VOPP1: variants seen among roughly 807,000 people sequenced by gnomAD.
VOPP1 encodes WW domain binding protein VOPP1.
In VOPP1, 8 loss-of-function variants were observed where a neutral mutation model predicts 23.5. That is an observed-to-expected ratio of 0.34 (90% CI 0.20 to 0.61). The LOEUF (loss-of-function observed/expected upper bound fraction) is 0.61. VOPP1 is among the 20% of genes least tolerant of loss of function. The probability of loss-of-function intolerance (pLI) is 0.78; values close to 1 mark genes in which losing one functional copy is unlikely to be tolerated. For missense variants in VOPP1, 174 were observed against 238.1 expected (o/e 0.73, Z 1.77); for synonymous variants, 83 against 97.3 (o/e 0.85, Z 0.86).
At chr7:55,526,435 G>A (rs1253275037) in intron 1 of VOPP1, among the ~76,000 whole-genome samples, 1 of 152,166 alleles carries the variant, frequency 6.6e-6, no homozygotes, top group Non-Finnish European at 1.5e-5. Context: ...ACTCCTCCAT[G>A]TGCGCTGAGT....
At chr7:55,517,451 C>T (rs986764827) in intron 2 of VOPP1, among the ~76,000 whole-genome samples, 3 of 152,100 alleles carry the variant, frequency 2.0e-5, no homozygotes, top group African/African-American at 4.8e-5. Context: ...ATCCCCGGGA[C>T]AGCACCCTGC....
At chr7:55,561,802 G>A in intron 1 of VOPP1, 1 of 600,042 alleles carries the variant, frequency 1.7e-6, no homozygotes, top group Non-Finnish European at 3.0e-6. Flanking sequence ...AGAGCACGTG[G>A]GAGTAGCTTG....
At chr7:55,447,037 C>A (rs2129000688) in intron 4 of VOPP1, among the ~76,000 whole-genome samples, 1 of 152,290 alleles carries the variant, frequency 6.6e-6, no homozygotes, top group African/African-American at 2.4e-5. Flanking sequence ...ATGCCAGCAA[C>A]CCTTATCCCA....
At chr7:55,562,659 G>A (rs1396505053) in intron 1 of VOPP1, among the ~76,000 whole-genome samples, 1 of 152,190 alleles carries the variant, frequency 6.6e-6, no homozygotes, top group Admixed American at 6.5e-5. Flanking sequence ...ATGGGTAGAA[G>A]TAAGGAGGAA....
At chr7:55,481,258 A>G (rs1792688387) in intron 4 of VOPP1, among the ~76,000 whole-genome samples, 1 of 152,220 alleles carries the variant, frequency 6.6e-6, no homozygotes, top group Non-Finnish European at 1.5e-5. Flanking sequence ...GAGAGGCCAG[A>G]GCCCGCTGGG....
rs545255535 is a variant in VOPP1 at position 55,520,973 on chromosome 7, G to A, written c.113+99C>T. On this transcript the variant is annotated intron_variant, in intron 2 of 4. Transcript: ENST00000285279. ...GGCACCGCAGCAGAGGCTGGGCCAC[G>A]CCGGGCTTTCCCCATCCCACACCCA... 3.4e-5 allele frequency: 45 copies of A among 1,314,960 alleles called. No homozygotes were observed. The East Asian group carries it at 4.1e-4, about 12-fold the overall frequency. The allele number at this position is 1,314,960 out of a possible 1,614,324, so 81.5% of individuals were successfully genotyped here. A position where few individuals can be genotyped will look rare whatever the true frequency, so the allele number is the denominator to read the frequency against.
At chr7:55,536,250 C>T (rs1312192520) in intron 1 of VOPP1, among the ~76,000 whole-genome samples, 1 of 152,180 alleles carries the variant, frequency 6.6e-6, no homozygotes, top group Non-Finnish European at 1.5e-5. Context: ...CAAGCAAGGC[C>T]GGGCGTGGTG....
At chr7:55,496,958 C>T (rs991306479) in intron 3 of VOPP1, among the ~76,000 whole-genome samples, 1 of 152,226 alleles carries the variant, frequency 6.6e-6, no homozygotes, top group African/African-American at 2.4e-5. Flanking sequence ...ACGTGCTCTG[C>T]CACCCTCTCA....
At position 55,521,925 on chromosome 7, in the gene VOPP1, C is replaced by T. The variant is rs1320628470; in HGVS notation, c.55-795G>A. The T allele has an allele frequency of 5.1e-6, 5 of 984,584 alleles. 1 individual carries two copies. Among genetic ancestry groups the T allele is most frequent in the East Asian group, 2.3e-4 (2 of 8,830 alleles). The allele number at this position is 984,584 out of a possible 1,614,324, so 61.0% of individuals were successfully genotyped here. On this transcript the variant is annotated intron_variant, in intron 1 of 4. Transcript: ENST00000285279. The stretch of plus-strand genomic sequence containing the variant: ...CTTTTCTAAAATTATTCCATTCGTG[C>T]TGTCATTTTTGTTTTACATTCACAA...
intron 4 of VOPP1, among the ~76,000 whole-genome samples, chr7:55,448,070 A>G (rs996022387): frequency 2.6e-5 from 4 of 152,304 alleles, no homozygotes; most frequent in African/African-American, 9.6e-5. Flanking sequence ...GTGTTGGCAA[A>G]GGCTGGCAGA....
At chr7:55,494,561 A>G (rs771543426) in intron 3 of VOPP1, among the ~76,000 whole-genome samples, 20 of 152,116 alleles carry the variant, frequency 1.3e-4, no homozygotes, top group Non-Finnish European at 1.9e-4. Flanking sequence ...GCTGGAATGG[A>G]GTTACACGGG....
chr7:55,561,636 G>T (rs931525041), intron 1 of VOPP1, among the ~76,000 whole-genome samples: 11 of 143,008 alleles, frequency 7.7e-5, no homozygotes, highest in Non-Finnish European at 1.3e-4. Flanking sequence ...GGCGGAGGTT[G>T]CAGTGAGCCA....
intron 4 of VOPP1, among the ~76,000 whole-genome samples, chr7:55,450,005 A>G (rs1264764012): frequency 6.6e-6 from 1 of 152,234 alleles, no homozygotes; most frequent in Non-Finnish European, 1.5e-5. Flanking sequence ...ATGAGAAGCC[A>G]GGATTTCTGC....
intron 1 of VOPP1, among the ~76,000 whole-genome samples, chr7:55,559,888 T>C (rs1021164727): frequency 1.3e-5 from 2 of 152,224 alleles, no homozygotes; most frequent in Non-Finnish European, 2.9e-5. Context: ...GCGCAGTGTC[T>C]CATGCCTGTA....
At chr7:55,480,482 T>C (rs1792626385) in intron 4 of VOPP1, among the ~76,000 whole-genome samples, 2 of 152,224 alleles carry the variant, frequency 1.3e-5, no homozygotes, top group Non-Finnish European at 1.5e-5. Context: ...GAACAAGCAA[T>C]GTGATTTGCT....
intron 4 of VOPP1, among the ~76,000 whole-genome samples, chr7:55,484,675 G>A (rs777308954): frequency 7.0e-4 from 107 of 152,284 alleles, no homozygotes; most frequent in Non-Finnish European, 1.5e-3. Flanking sequence ...AAAAGAGAGA[G>A]AAAAGGCATC....
At chr7:55,518,582 G>C (rs2129039993) in intron 2 of VOPP1, among the ~76,000 whole-genome samples, 1 of 152,342 alleles carries the variant, frequency 6.6e-6, no homozygotes, top group African/African-American at 2.4e-5. Context: ...GAGGCTGAGA[G>C]AACTGGGGAA....
At chr7:55,435,314 AGT>A (rs1488088031), downstream of VOPP1, among the ~76,000 whole-genome samples, 1 of 152,178 alleles carries the variant, frequency 6.6e-6, no homozygotes, top group Non-Finnish European at 1.5e-5. Context: ...GGGGTAAAGA[AGT>A]GTGTGTGGGC....
rs1289055013 is a variant in VOPP1, at chr7:55,482,877, A to T, written c.328+9405T>A. On this transcript the variant is annotated intron_variant, in intron 4 of 4. Transcript: ENST00000285279. Reference sequence around the variant, plus strand: ...TCACTTTTTCTTTCCTAGCTGTATAAATCAGAAGCTGAGTGAAGACAACGG... The same window carrying T: ...TCACTTTTTCTTTCCTAGCTGTATATATCAGAAGCTGAGTGAAGACAACGG... 8.5e-5 allele frequency among the ~76,000 whole-genome samples: 13 copies of T among 152,348 alleles called. No homozygotes were observed. In the East Asian group the frequency reaches 2.5e-3, roughly 29 times the overall value.
Sources: gnomAD v4.1 joint callset for allele counts (sites outside exome capture counted in the v4.1 genomes callset) on GRCh38, gnomAD v4.1.1 for gene constraint, MANE v1.5 for transcripts, NCBI Gene and HGNC (gene_info 2026-07-23, HGNC 2026-07-21) for gene names.